Variants in SPAG9 observed in about 807,000 individuals in gnomAD.
SPAG9 encodes sperm associated antigen 9.
A neutral mutation model predicts 166.5 loss-of-function variants in SPAG9; 35 were observed. That is an observed-to-expected ratio of 0.21 (90% CI 0.16 to 0.28). The LOEUF (loss-of-function observed/expected upper bound fraction) is 0.28. Among genes scored for constraint, SPAG9 ranks in the 10% least tolerant of loss-of-function variants. The pLI, the probability that SPAG9 is intolerant of heterozygous loss-of-function variation, is 1.00. For synonymous variants in SPAG9, 534 were observed against 565.5 expected (o/e 0.94, Z 0.79); for missense variants, 1,235 against 1,603.3 (o/e 0.77, Z 3.92).
rs902892984 is a variant in SPAG9, at chr17:51,105,199, T to C, written c.303+15155A>G. ...AAATGGTAAATTGAACCCCTGGGAA[T>C]AGAAATTCTTAGAAAGAAAGCCCAG... On this transcript the variant is annotated intron_variant, in intron 1 of 29. Coordinates refer to ENST00000262013, the MANE Select transcript of SPAG9 (RefSeq NM_001130528.3). Among the ~76,000 whole-genome samples, 11 of 152,302 alleles carry C rather than the reference T, an allele frequency of 7.2e-5. No homozygotes were observed. In the South Asian group the frequency reaches 1.2e-3, roughly 17 times the overall value.
intron 1 of SPAG9, among the ~76,000 whole-genome samples, chr17:51,085,086 G>T (rs1314405442): frequency 3.3e-5 from 5 of 151,860 alleles, no homozygotes; most frequent in African/African-American, 7.3e-5. Flanking sequence ...CCTGACCTCA[G>T]GTGAACCCAG....
At chr17:51,010,889 G>C (rs2045454504) in intron 9 of SPAG9, among the ~76,000 whole-genome samples, 1 of 151,966 alleles carries the variant, frequency 6.6e-6, no homozygotes, top group African/African-American at 2.4e-5. Context: ...TAAAAACTTG[G>C]GAGTAATTAG....
rs1260795830 is a variant in SPAG9, at chr17:51,093,711, A to AG, written c.304-14008_304-14007insC. ...CTCCGTCTCAAAAAAAAAAAAAAAA[A>AG]AAAAGAAAATTATAACAGATCCATA... is the stretch of plus-strand genomic sequence containing the variant. On this transcript the variant is annotated intron_variant, in intron 1 of 29. Transcript: ENST00000262013. Among the ~76,000 whole-genome samples, 886 of 151,372 alleles carry AG rather than the reference A, an allele frequency of 5.9e-3. 5 individuals are homozygous for AG. Among genetic ancestry groups the AG allele is most frequent in the Non-Finnish European group, 9.5e-3 (647 of 67,798 alleles).
rs561303000 is a variant in SPAG9 at position 51,039,796 on chromosome 17, C to CT, written c.741+1704dup. On this transcript the variant is annotated intron_variant, in intron 5 of 29. Transcript: ENST00000262013. ...TAAAATATAGTTACCATATGGGATA[C>CT]TTTTTTTTGTACTAAAAGTATCCCT... 5.8e-4 allele frequency among the ~76,000 whole-genome samples: 88 copies of CT among 152,042 alleles called. 2 individuals carry two copies. In the South Asian group the frequency reaches 0.016, roughly 27 times the overall value.
intron 1 of SPAG9, among the ~76,000 whole-genome samples, chr17:51,087,232 A>G (rs1392166531): frequency 1.3e-5 from 2 of 152,244 alleles, no homozygotes; most frequent in African/African-American, 4.8e-5. Context: ...GTAGGGTAGA[A>G]TAGCTCAGAA....
intron 2 of SPAG9, among the ~76,000 whole-genome samples, chr17:51,073,343 A>G (rs2047877755): frequency 6.6e-6 from 1 of 151,618 alleles, no homozygotes; most frequent in African/African-American, 2.4e-5. Context: ...AAAAACAATT[A>G]GCCACGTGTG....
chr17:51,026,320 G>GAAAAA (rs55851511), intron 6 of SPAG9, among the ~76,000 whole-genome samples: 13 of 89,416 alleles, frequency 1.5e-4, no homozygotes, highest in South Asian at 9.0e-4. Flanking sequence ...GGTGAAAAGA[G>GAAAAA]AAAAAAAAAA....
At chr17:51,057,799 C>A (rs1241525778) in intron 2 of SPAG9, among the ~76,000 whole-genome samples, 1 of 152,148 alleles carries the variant, frequency 6.6e-6, no homozygotes, top group East Asian at 1.9e-4. Context: ...GTGTTGAATA[C>A]ATCTGCTGCT....
intron 15 of SPAG9, among the ~76,000 whole-genome samples, chr17:50,997,227 T>C (rs1402801942): frequency 6.6e-6 from 1 of 152,230 alleles, no homozygotes; most frequent in Non-Finnish European, 1.5e-5. Context: ...CTTTAACAGG[T>C]TACCAAGCAG....
chr17:50,971,608 C>T (rs530314135), intron 28 of SPAG9, among the ~76,000 whole-genome samples: 3 of 151,768 alleles, frequency 2.0e-5, no homozygotes, highest in Non-Finnish European at 4.4e-5. Context: ...GCTGGGACTA[C>T]AGGCACGTGC....
intron 1 of SPAG9, among the ~76,000 whole-genome samples, chr17:51,105,384 GAT>G (rs1260730442): frequency 6.6e-6 from 1 of 152,082 alleles, no homozygotes; most frequent in Non-Finnish European, 1.5e-5. Flanking sequence ...GAAGGAATAA[GAT>G]AGAAAACAAG....
At chr17:51,108,564 AG>A (rs1444323720) in intron 1 of SPAG9, among the ~76,000 whole-genome samples, 2 of 152,060 alleles carry the variant, frequency 1.3e-5, no homozygotes, top group Non-Finnish European at 2.9e-5. Context: ...TGGCACAATC[AG>A]GGGTCATTGC....
intron 2 of SPAG9, among the ~76,000 whole-genome samples, chr17:51,079,093 C>T (rs1232750959): frequency 1.3e-5 from 2 of 152,068 alleles, no homozygotes; most frequent in Non-Finnish European, 2.9e-5. Flanking sequence ...CACATGGGTA[C>T]CATGTGAAAA....
intron 19 of SPAG9, among the ~76,000 whole-genome samples, chr17:50,991,499 T>A (rs1445419943): frequency 6.6e-6 from 1 of 152,040 alleles, no homozygotes; most frequent in Non-Finnish European, 1.5e-5. Flanking sequence ...AAAACTTTTA[T>A]TGCAGTAAAA....
chr17:51,114,120 G>A (rs190436204), intron 1 of SPAG9, among the ~76,000 whole-genome samples: 37 of 152,206 alleles, frequency 2.4e-4, no homozygotes, highest in Non-Finnish European at 4.4e-5. Flanking sequence ...GAGGTCAAGA[G>A]TTTGAGACCA....
chr17:51,069,398 C>A (rs1451683703), intron 2 of SPAG9, among the ~76,000 whole-genome samples: 1 of 151,968 alleles, frequency 6.6e-6, no homozygotes, highest in Admixed American at 6.6e-5. Flanking sequence ...AAGTTTTGTA[C>A]AAGCCTGAAT....
intron 22 of SPAG9, among the ~76,000 whole-genome samples, chr17:50,986,089 A>C (rs987628310): frequency 6.6e-6 from 1 of 152,228 alleles, no homozygotes; most frequent in African/African-American, 2.4e-5. Context: ...TTACCTCTCT[A>C]CTACACTGAT....
chr17:51,017,293 C>T (rs1300347533), intron 8 of SPAG9, among the ~76,000 whole-genome samples: 1 of 152,158 alleles, frequency 6.6e-6, no homozygotes, highest in African/African-American at 2.4e-5. Context: ...CATTTTCTCA[C>T]AGAATCTCAG....
chr17:50,984,279 C>T (rs920359168), intron 24 of SPAG9, among the ~76,000 whole-genome samples: 6 of 151,868 alleles, frequency 4.0e-5, no homozygotes, highest in African/African-American at 1.2e-4. Context: ...AGAAAAAGTC[C>T]AAATGTTAAG....
Sources: allele counts gnomAD v4.1 joint callset (sites outside exome capture counted in the v4.1 genomes callset), GRCh38; gene constraint gnomAD v4.1.1; transcripts MANE v1.5; gene names NCBI Gene and HGNC (gene_info 2026-07-23, HGNC 2026-07-21).